The following CATSPERG variants were observed in gnomAD, a reference collection of about 807,000 sequenced individuals.
The protein encoded by CATSPERG is cation channel sperm-associated auxiliary subunit gamma.
CATSPERG carries 115 observed loss-of-function variants against 145.0 expected under a neutral mutation model. The ratio of observed to expected loss-of-function variants is 0.79; its 90% CI spans 0.68 to 0.93. CATSPERG has a LOEUF of 0.93. Among genes scored for constraint, CATSPERG ranks in the 40% least tolerant of loss-of-function variants. CATSPERG has a pLI of 0.00. For synonymous variants in CATSPERG, 588 were observed against 589.0 expected (o/e 1.00, Z 0.02); for missense variants, 1,296 against 1,490.1 (o/e 0.87, Z 2.14).
chr19:38,370,405 T>A, intron 28 of CATSPERG, 121 bp from the exon 29 acceptor site: 2 of 1,440,364 alleles, frequency 1.4e-6, no homozygotes, highest in Non-Finnish European at 1.9e-6. Context: ...GGCTGTCTAC[T>A]CATTCATTTC....
intron 7 of CATSPERG, chr19:38,349,642 G>GTT (rs113282965): frequency 1.3e-5 from 2 of 151,902 alleles, no homozygotes; most frequent in East Asian, 3.9e-4. Flanking sequence ...GTTGCTCATT[G>GTT]TTTTTTTTTG....
intron 20 of CATSPERG, among the ~76,000 whole-genome samples, chr19:38,364,658 G>A (rs1161600494): frequency 2.0e-5 from 3 of 152,380 alleles, no homozygotes; most frequent in East Asian, 3.9e-4. Flanking sequence ...ACCAGACTCC[G>A]TCTGCAATCC....
At chr19:38,370,118 G>A (rs1234618305) in intron 27 of CATSPERG, 41 bp from the exon 28 acceptor site, 1 of 1,613,462 alleles carries the variant, frequency 6.2e-7, no homozygotes, top group Non-Finnish European at 8.5e-7. Context: ...TGGAATGCCT[G>A]GCTTCTCCTC....
chr19:38,355,978 G>A (rs1373663359), intron 9 of CATSPERG, among the ~76,000 whole-genome samples: 4 of 152,154 alleles, frequency 2.6e-5, no homozygotes, highest in East Asian at 3.8e-4. Context: ...GCTAATGGTA[G>A]TACTAGCATC....
intron 8 of CATSPERG, among the ~76,000 whole-genome samples, chr19:38,353,638 A>G (rs1287491164): frequency 5.6e-5 from 8 of 142,642 alleles, no homozygotes; most frequent in Non-Finnish European, 1.1e-4. Flanking sequence ...CGGAGCTTGC[A>G]GTGAGCTGAG....
At chr19:38,365,296 AG>A in intron 22 of CATSPERG, 179 bp downstream of exon 22, 1 of 617,226 alleles carries the variant, frequency 1.6e-6, no homozygotes, top group East Asian at 2.8e-5. Context: ...TTTTTCTTTA[AG>A]ACGGAGTTTC....
chr19:38,335,915 C>T (rs1012149857), intron 1 of CATSPERG, 40 bp downstream of exon 1: 1 of 116,798 alleles, frequency 8.6e-6, no homozygotes, highest in African/African-American at 3.5e-4. Flanking sequence ...CATCCAGGGG[C>T]GGGGGGATGC....
At chr19:38,336,019 AG>A (rs1969827706) in intron 1 of CATSPERG, 144 bp downstream of exon 1, 1 of 284,658 alleles carries the variant, frequency 3.5e-6, no homozygotes, top group Admixed American at 3.9e-5. Flanking sequence ...GAGCTGGGAG[AG>A]GAGGGAAAGA....
chr19:38,349,186 C>G (rs1320366973), intron 7 of CATSPERG: 2 of 152,118 alleles, frequency 1.3e-5, no homozygotes, highest in Non-Finnish European at 1.5e-5. Flanking sequence ...GGCTGGAGTT[C>G]AGTGATGCAA....
Position 38,346,591 on chromosome 19 carries a change from T to G in CATSPERG, c.811T>G (p.Phe271Val), listed in dbSNP as rs1272575631. 2.6e-6 allele frequency: 4 copies of G among 1,551,150 alleles called. No individual in the cohort carries two copies. The highest frequency in any genetic ancestry group is 3.5e-6 in the Non-Finnish European group (4 of 1,146,536). ...VLMTDTSFKDFSLVELSIDSC... is the reference protein window; with the variant it reads ...VLMTDTSFKDVSLVELSIDSC... Reference sequence around the variant, plus strand: ...GATGACTGACACCAGCTTCAAGGACTTCTCTCTCGTGGAGGTGAACGGTGT... The same window carrying G: ...GATGACTGACACCAGCTTCAAGGACGTCTCTCTCGTGGAGGTGAACGGTGT... Residue 271 changes from phenylalanine to valine, a missense_variant, in exon 7 of 29, where the codon TTC becomes GTC. By Grantham distance (50) the Phe-to-Val change is conservative. Transcript: ENST00000409235.
intron 9 of CATSPERG, among the ~76,000 whole-genome samples, chr19:38,355,175 TCTCTACTAAAAATAAAAAAATTA>T: frequency 6.6e-6 from 1 of 150,946 alleles, no homozygotes; most frequent in Non-Finnish European, 1.5e-5. Context: ...TGAAACCCCA[TCTCTACTAAAAATAAAAAAATTA>T]GTTGGGCGTG....
chr19:38,362,777 T>A lies in CATSPERG; in HGVS notation c.2420T>A (p.Ile807Asn). 6.2e-7 allele frequency: 1 copy of A among 1,613,896 alleles called. No homozygotes were observed. The highest frequency in any genetic ancestry group is 1.1e-5 in the South Asian group (1 of 91,076). The change falls in exon 20 of 29, where the codon ATC becomes AAC. Residue 807 changes from isoleucine to asparagine, a missense_variant. Ile to Asn is a moderately radical substitution (Grantham distance 149). Coordinates refer to ENST00000409235, the MANE Select transcript of CATSPERG (RefSeq NM_021185.5). ...GTGGTGCTGGCCGACCCCGGCTGCA[T>A]CGAGGCCTCGGTGAAGCAGGAGGTC... ...VGVVLADPGC[I>N]EASVKQEVLI...
intron 3 of CATSPERG, among the ~76,000 whole-genome samples, chr19:38,338,954 A>G (rs1969890956): frequency 1.3e-5 from 2 of 150,994 alleles, no homozygotes; most frequent in Admixed American, 1.3e-4. Context: ...GGTCGGGGGG[A>G]GGGGGTGGCG....
At position 38,335,887 on chromosome 19, in the gene CATSPERG, C is replaced by T. The variant is rs1230110390; in HGVS notation, c.-15+12C>T. The T allele has an allele frequency of 1.3e-5, 3 of 238,372 alleles. No individual in the cohort carries two copies. The highest frequency in any genetic ancestry group is 1.6e-3 in the Middle Eastern group (1 of 614). The allele number at this position is 238,372 out of a possible 1,614,324, so 14.8% of individuals were successfully genotyped here. Reference sequence around the variant, plus strand: ...TAACCAAGTGACTGGTACCACGGGGCCGGGGAAAAAGCTGTGCCATCCAGG... The same window carrying T: ...TAACCAAGTGACTGGTACCACGGGGTCGGGGAAAAAGCTGTGCCATCCAGG... On this transcript the variant is annotated intron_variant, in intron 1 of 28. Transcript: ENST00000409235.
At chr19:38,349,911 C>T (rs369486908) in intron 7 of CATSPERG, among the ~76,000 whole-genome samples, 1 of 151,910 alleles carries the variant, frequency 6.6e-6, no homozygotes, top group African/African-American at 2.4e-5. Context: ...ATGATCTGCC[C>T]GCCTTGGCCT....
chr19:38,361,586 G>T (rs1970345065), intron 16 of CATSPERG, 62 bp from the exon 17 acceptor site: 1 of 1,365,994 alleles, frequency 7.3e-7, no homozygotes, highest in Non-Finnish European at 1.0e-6. Flanking sequence ...AGAGGCCTGC[G>T]GAAGCTTCCA....
At chr19:38,341,026 C>T (rs1317521723) in intron 3 of CATSPERG, among the ~76,000 whole-genome samples, 2 of 152,084 alleles carry the variant, frequency 1.3e-5, no homozygotes, top group African/African-American at 2.4e-5. Context: ...AGGGAAGAGC[C>T]AGCACGATGG....
chr19:38,347,228 A>C (rs553090078), intron 7 of CATSPERG, among the ~76,000 whole-genome samples: 18 of 152,152 alleles, frequency 1.2e-4, no homozygotes, highest in Admixed American at 6.6e-4. Context: ...AACAAACAAA[A>C]AAAACTGGGC....
Position 38,337,212 on chromosome 19 carries a change from G to T in CATSPERG, c.-14-9G>T. The T allele has an allele frequency of 6.5e-7, 1 of 1,548,752 alleles. No individual in the cohort carries two copies. Among genetic ancestry groups the T allele is most frequent in the Non-Finnish European group, 8.7e-7 (1 of 1,145,602 alleles). On this transcript the variant is annotated splice_polypyrimidine_tract_variant and intron_variant, in intron 1 of 28. Transcript: ENST00000409235. ...CCGGCGCGTGGGTGTTGACTCCTGCGTTCTCCAGGTTCTAGCCACGTTATG... is the reference window on the plus strand; with the variant it reads ...CCGGCGCGTGGGTGTTGACTCCTGCTTTCTCCAGGTTCTAGCCACGTTATG...
Sources: gnomAD v4.1 joint callset for allele counts (sites outside exome capture counted in the v4.1 genomes callset) on GRCh38, gnomAD v4.1.1 for gene constraint, MANE v1.5 for transcripts, NCBI Gene and HGNC (gene_info 2026-07-23, HGNC 2026-07-21) for gene names.